Variants in ANK3 observed in about 807,000 individuals in gnomAD.
ANK3 encodes the protein ankyrin 3.
ANK3 carries 57 observed loss-of-function variants against 370.9 expected under a neutral mutation model. The observed-to-expected ratio is 0.15, with a 90% confidence interval of 0.12 to 0.19. ANK3 has a LOEUF of 0.19. Ranked by LOEUF, ANK3 falls within the 10% of genes least tolerant of loss-of-function variation. The pLI, the probability that ANK3 is intolerant of heterozygous loss-of-function variation, is 1.00. For missense variants in ANK3, 4,439 were observed against 5,302.1 expected (o/e 0.84, Z 5.06); for synonymous variants, 1,929 against 1,946.3 (o/e 0.99, Z 0.23).
intron 1 of ANK3, among the ~76,000 whole-genome samples, chr10:60,318,774 T>G (rs2048017177): frequency 6.6e-6 from 1 of 152,172 alleles, no homozygotes; most frequent in Non-Finnish European, 1.5e-5. Flanking sequence ...TAAATCTCCC[T>G]CTTCATGTTA....
At chr10:60,487,883 T>C (rs1327942577) in intron 2 of ANK3, among the ~76,000 whole-genome samples, 5 of 151,950 alleles carry the variant, frequency 3.3e-5, no homozygotes, top group Non-Finnish European at 2.9e-5. Context: ...CCTGGCTAAT[T>C]TTGTATTTTT....
intron 2 of ANK3, among the ~76,000 whole-genome samples, chr10:60,409,729 A>G (rs1276762326): frequency 2.0e-5 from 3 of 152,076 alleles, no homozygotes; most frequent in African/African-American, 7.2e-5. Flanking sequence ...ATCTATGTGG[A>G]ATGACTCACA....
chr10:60,690,942 T>C (rs886896204), intron 1 of ANK3, among the ~76,000 whole-genome samples: 1 of 152,226 alleles, frequency 6.6e-6, no homozygotes, highest in Non-Finnish European at 1.5e-5. Flanking sequence ...ACACAACCTG[T>C]AGGTTAAATC....
intron 26 of ANK3, among the ~76,000 whole-genome samples, chr10:60,109,604 G>A (rs748362645): frequency 4.6e-4 from 70 of 152,222 alleles, no homozygotes; most frequent in Middle Eastern, 3.4e-3. Context: ...GATTTGCTAC[G>A]GTGATTTTGA....
chr10:60,460,373 G>A (rs2064853248), intron 2 of ANK3, among the ~76,000 whole-genome samples: 1 of 152,116 alleles, frequency 6.6e-6, no homozygotes, highest in Admixed American at 6.6e-5. Flanking sequence ...AGTTTGCATG[G>A]AAGTTACATA....
intron 2 of ANK3, among the ~76,000 whole-genome samples, chr10:60,575,926 G>T (rs1340783317): frequency 6.6e-6 from 1 of 152,102 alleles, no homozygotes; most frequent in East Asian, 1.9e-4. Context: ...TATGCCCAAA[G>T]GTGTGCCAGT....
intron 2 of ANK3, among the ~76,000 whole-genome samples, chr10:60,432,556 A>G (rs1318475913): frequency 1.3e-5 from 2 of 152,218 alleles, no homozygotes; most frequent in East Asian, 3.8e-4. Context: ...TGTATTCTTT[A>G]TTAACTCTAG....
intron 1 of ANK3, among the ~76,000 whole-genome samples, chr10:60,323,533 TAC>T (rs979620523): frequency 6.6e-6 from 1 of 151,978 alleles, no homozygotes; most frequent in Non-Finnish European, 1.5e-5. Flanking sequence ...CTATTAGAGA[TAC>T]ACACACACAC....
chr10:60,657,546 T>C (rs2078881239), intron 1 of ANK3, among the ~76,000 whole-genome samples: 1 of 152,212 alleles, frequency 6.6e-6, no homozygotes, highest in African/African-American at 2.4e-5. Context: ...TTTCTTGTTA[T>C]TGATTTTAGT....
chr10:60,330,416 G>T (rs2050948427), intron 1 of ANK3, among the ~76,000 whole-genome samples: 1 of 151,988 alleles, frequency 6.6e-6, no homozygotes, highest in Non-Finnish European at 1.5e-5. Flanking sequence ...AATCTACAAA[G>T]AACTTAAACA....
At chr10:60,318,591 C>T (rs2047961861) in intron 1 of ANK3, among the ~76,000 whole-genome samples, 1 of 152,092 alleles carries the variant, frequency 6.6e-6, no homozygotes, top group Non-Finnish European at 1.5e-5. Flanking sequence ...TTTAGTGGTT[C>T]TCTGAACTCT....
At chr10:60,678,182 C>T (rs929386342) in intron 1 of ANK3, among the ~76,000 whole-genome samples, 1 of 152,136 alleles carries the variant, frequency 6.6e-6, no homozygotes, top group Admixed American at 6.6e-5. Flanking sequence ...AAAACCATAA[C>T]AGAAATTGAA....
chr10:60,226,766 A>T (rs2097170907), intron 8 of ANK3, among the ~76,000 whole-genome samples: 1 of 145,156 alleles, frequency 6.9e-6, no homozygotes, highest in South Asian at 2.1e-4. Context: ...TTAATATTAC[A>T]TATATACTGA....
chr10:60,664,248 A>C (rs2078970589), intron 1 of ANK3, among the ~76,000 whole-genome samples: 1 of 152,254 alleles, frequency 6.6e-6, no homozygotes, highest in Admixed American at 6.5e-5. Flanking sequence ...TAATACTGTC[A>C]AGTTAGGGCA....
intron 16 of ANK3, among the ~76,000 whole-genome samples, chr10:60,191,408 G>C (rs984703394): frequency 2.0e-5 from 3 of 151,464 alleles, no homozygotes; most frequent in Non-Finnish European, 4.4e-5. Flanking sequence ...CCATTAAAAA[G>C]AAGGCAAAGG....
chr10:60,211,492 A>G (rs933043392), intron 9 of ANK3, among the ~76,000 whole-genome samples: 1 of 152,172 alleles, frequency 6.6e-6, no homozygotes, highest in Non-Finnish European at 1.5e-5. Context: ...TTCCTCATCT[A>G]TGAAAAGGGA....
At chr10:60,373,717 T>C (rs540347618) in intron 1 of ANK3, among the ~76,000 whole-genome samples, 17 of 152,148 alleles carry the variant, frequency 1.1e-4, no homozygotes, top group Non-Finnish European at 2.1e-4. Flanking sequence ...GCATGGAGGA[T>C]CTCTCCCTTG....
chr10:60,307,425 A>G (rs115135476), intron 1 of ANK3, among the ~76,000 whole-genome samples: 3,598 of 152,098 alleles, frequency 0.024, 125 homozygotes, highest in African/African-American at 0.078. Flanking sequence ...CTCATCCTCC[A>G]GGGCTCAAGC....
intron 2 of ANK3, among the ~76,000 whole-genome samples, chr10:60,596,866 C>T (rs1037857385): frequency 3.3e-5 from 5 of 152,120 alleles, no homozygotes; most frequent in Non-Finnish European, 7.4e-5. Flanking sequence ...ATGAAATCAC[C>T]TGTTCCCTTA....
Sources: gnomAD v4.1 joint callset for allele counts (sites outside exome capture counted in the v4.1 genomes callset) on GRCh38, gnomAD v4.1.1 for gene constraint, MANE v1.5 for transcripts, NCBI Gene and HGNC (gene_info 2026-07-23, HGNC 2026-07-21) for gene names.